The following PER3 variants were observed in gnomAD, a reference collection of about 807,000 sequenced individuals.
The protein encoded by PER3 is period circadian protein homolog 3.
Under a neutral mutation model 127.2 loss-of-function variants are expected in PER3, and 107 were observed. That is an observed-to-expected ratio of 0.84 (90% CI 0.72 to 0.99). The LOEUF (loss-of-function observed/expected upper bound fraction) is 0.99. Among genes scored for constraint, PER3 ranks in the 50% least tolerant of loss-of-function variants. PER3 has a pLI of 0.00. For missense variants in PER3, 1,560 were observed against 1,525.8 expected (o/e 1.02, Z -0.37); for synonymous variants, 618 against 585.8 (o/e 1.05, Z -0.79).
intron 19 of PER3, among the ~76,000 whole-genome samples, chr1:7,830,440 C>T (rs1252384007): frequency 6.6e-6 from 1 of 152,176 alleles, no homozygotes; most frequent in Non-Finnish European, 1.5e-5. Flanking sequence ...AGTTCTGTGA[C>T]CCTCACCAGT....
intron 3 of PER3, 56 bp downstream of exon 3, chr1:7,785,642 A>G (rs2097084852): frequency 6.8e-7 from 1 of 1,476,524 alleles, no homozygotes; most frequent in African/African-American, 1.4e-5. Context: ...TCATACAAGC[A>G]GCCAGAGGAG....
At chr1:7,789,626 T>C (rs1212403118) in intron 5 of PER3, among the ~76,000 whole-genome samples, 1 of 152,234 alleles carries the variant, frequency 6.6e-6, no homozygotes, top group African/African-American at 2.4e-5. Context: ...TTAATCATTT[T>C]TAGGCATTCA....
intron 15 of PER3, 69 bp from the exon 16 acceptor site, chr1:7,820,398 C>G: frequency 6.7e-7 from 1 of 1,486,876 alleles, no homozygotes. Context: ...CTTCTGTAAA[C>G]TGGGTCTTTT....
chr1:7,835,135 TG>T (rs1174209769), intron 19 of PER3, among the ~76,000 whole-genome samples: 1 of 152,190 alleles, frequency 6.6e-6, no homozygotes, highest in Non-Finnish European at 1.5e-5. Flanking sequence ...TAGTCATTGC[TG>T]GGGGTAGGTT....
chr1:7,820,724 G>A (rs1052882271), intron 16 of PER3, 84 bp downstream of exon 16: 19 of 1,113,972 alleles, frequency 1.7e-5, no homozygotes, highest in African/African-American at 3.1e-5. Context: ...AATACCATTC[G>A]CTCGGTTGTA....
At chr1:7,832,892 G>A (rs918680013) in intron 19 of PER3, among the ~76,000 whole-genome samples, 1 of 148,104 alleles carries the variant, frequency 6.8e-6, no homozygotes, top group African/African-American at 2.5e-5. Context: ...AGGCTGGAGT[G>A]CAGTGGCATG....
At chr1:7,803,196 T>C (rs2097178080) in intron 9 of PER3, 43 bp downstream of exon 9, 3 of 1,178,698 alleles carry the variant, frequency 2.5e-6, no homozygotes, top group Middle Eastern at 1.9e-4. Flanking sequence ...TTTTCTCTCA[T>C]TGATTTGTTC....
At chr1:7,833,465 G>C (rs1472677234) in intron 19 of PER3, among the ~76,000 whole-genome samples, 3 of 152,276 alleles carry the variant, frequency 2.0e-5, no homozygotes, top group African/African-American at 7.2e-5. Context: ...ATACACTTGA[G>C]ATTATTATAT....
chr1:7,835,906 C>G lies in PER3; in HGVS notation c.3359C>G (p.Thr1120Arg), dbSNP rs35802556. ...EEPIWRMIRQ[T>R]PERILMTYQV... ...CCCATCTGGAGAATGATACGGCAGA[C>G]ACCTGAGCGCATTCTCATGACATAC... Residue 1120 changes from threonine to arginine, a missense_variant, in exon 20 of 22, where the codon ACA becomes AGA. Transcript: ENST00000377532. 14 of 1,611,228 alleles carry G rather than the reference C, an allele frequency of 8.7e-6. No individual in the cohort carries two copies. The highest frequency in any genetic ancestry group is 1.2e-5 in the Non-Finnish European group (14 of 1,177,378).
intron 8 of PER3, among the ~76,000 whole-genome samples, chr1:7,801,970 G>GA (rs2097172675): frequency 6.6e-6 from 1 of 151,998 alleles, no homozygotes; most frequent in Non-Finnish European, 1.5e-5. Context: ...TTTAACATCT[G>GA]AAAATCAGTG....
chr1:7,788,092 C>T lies in PER3; in HGVS notation c.438C>T (p.His146=). ...VFSFLSGRLV[H]ISEQAALILN... is the part of the protein sequence containing the mutation. ...CATTTCTGTCTGGAAGGTTAGTGCA[C>T]ATTTCTGAACAGGCTGCTTTGATCC... The change falls in exon 5 of 22, where the codon CAC becomes CAT. Residue 146 remains histidine, a synonymous_variant. Transcript: ENST00000377532. 6 of 1,613,942 alleles carry T rather than the reference C, an allele frequency of 3.7e-6. No homozygotes were observed. The highest frequency in any genetic ancestry group is 5.1e-6 in the Non-Finnish European group (6 of 1,179,812).
chr1:7,801,655 G>T (rs902675343), intron 8 of PER3, among the ~76,000 whole-genome samples: 2 of 152,164 alleles, frequency 1.3e-5, no homozygotes, highest in Admixed American at 6.5e-5. Context: ...TTTTTGTAAA[G>T]AATTGTTCTT....
Position 7,826,345 on chromosome 1 carries a change from A to C in PER3, c.1958-135A>C. On this transcript the variant is annotated intron_variant, in intron 16 of 21. Transcript: ENST00000377532. The surrounding 1 kb of genome is among the most constrained non-coding windows in gnomAD (Gnocchi z 4.2). ...ACAGAAAATGAAGAATTTCTGTGCT[A>C]GGCTAATGAAGATTTTTCGTATTCC... The C allele has an allele frequency of 1.6e-6, 1 of 620,320 alleles. No homozygotes were observed. The highest frequency in any genetic ancestry group is 2.9e-6 in the Non-Finnish European group (1 of 345,144). The allele number at this position is 620,320 out of a possible 1,614,324, so 38.4% of individuals were successfully genotyped here. A position where few individuals can be genotyped will look rare whatever the true frequency, so the allele number is the denominator to read the frequency against.
At chr1:7,830,393 C>T (rs1480302623) in intron 19 of PER3, among the ~76,000 whole-genome samples, 2 of 152,086 alleles carry the variant, frequency 1.3e-5, no homozygotes, top group Non-Finnish European at 2.9e-5. Context: ...TAAGCGCTAC[C>T]ACAATCACCA....
intron 6 of PER3, 106 bp downstream of exon 6, chr1:7,794,114 CA>C (rs1253189731): frequency 1.1e-6 from 1 of 921,350 alleles, no homozygotes; most frequent in Non-Finnish European, 1.8e-6. Context: ...TTGCGAGATA[CA>C]AAAAATAAGA....
rs1376183426 is a variant in PER3, at chr1:7,829,344, G to A, written c.2887-490G>A. The stretch of plus-strand genomic sequence containing the variant: ...TCACAATTTCATGGATAGAAGATTC[G>A]TTTTTGCCTAAAATTGTAGCACTCT... On this transcript the variant is annotated intron_variant, in intron 18 of 21. Transcript: ENST00000377532. Among the ~76,000 whole-genome samples, 6 of 152,120 alleles carry A rather than the reference G, an allele frequency of 3.9e-5. No individual in the cohort carries two copies. The South Asian group carries it at 8.3e-4, about 21-fold the overall frequency.
chr1:7,790,459 C>T (rs2097113975), intron 5 of PER3, among the ~76,000 whole-genome samples: 1 of 152,190 alleles, frequency 6.6e-6, no homozygotes, highest in African/African-American at 2.4e-5. Flanking sequence ...CAATTACCTC[C>T]CTCCGGGTTC....
At chr1:7,785,122 A>G in intron 2 of PER3, 117 bp downstream of exon 2, 1 of 1,133,264 alleles carries the variant, frequency 8.8e-7, no homozygotes, top group East Asian at 2.7e-5. Context: ...GAAAGTGTAA[A>G]GGGGAGACTC....
chr1:7,829,250 ATAAAT>A (rs2097317374), intron 18 of PER3, among the ~76,000 whole-genome samples: 1 of 152,192 alleles, frequency 6.6e-6, no homozygotes, highest in South Asian at 2.1e-4. Context: ...AGTTTAATTG[ATAAAT>A]TAAGAACAGT....
Sources: allele counts gnomAD v4.1 joint callset (sites outside exome capture counted in the v4.1 genomes callset), GRCh38; gene constraint gnomAD v4.1.1; non-coding constraint Gnocchi (gnomAD v3.1); transcripts MANE v1.5; gene names NCBI Gene and HGNC (gene_info 2026-07-23, HGNC 2026-07-21).